TLE1: variants seen among roughly 807,000 people sequenced by gnomAD.
The protein encoded by TLE1 is transducin-like enhancer protein 1.
A neutral mutation model predicts 89.8 loss-of-function variants in TLE1; 21 were observed. The ratio of observed to expected loss-of-function variants is 0.23; its 90% confidence interval spans 0.17 to 0.34. The LOEUF is 0.34. Among genes scored for constraint, TLE1 ranks in the 10% least tolerant of loss-of-function variants. TLE1 has a pLI of 1.00. For missense variants in TLE1, 795 were observed against 1,031.2 expected (o/e 0.77, Z 3.14); for synonymous variants, 447 against 407.6 (o/e 1.10, Z -1.16).
chr9:81,599,144 AAT>A (rs1316751810), intron 14 of TLE1, among the ~76,000 whole-genome samples: 1 of 152,198 alleles, frequency 6.6e-6, no homozygotes, highest in East Asian at 1.9e-4. Context: ...TATGAAGCGC[AAT>A]ATAGTCAACC....
intron 4 of TLE1, among the ~76,000 whole-genome samples, chr9:81,675,698 G>GTTGTTTTTTTTT: frequency 7.7e-6 from 1 of 129,666 alleles, no homozygotes; most frequent in Non-Finnish European, 1.6e-5. Context: ...ACTCACACTA[G>GTTGTTTTTTTTT]TTTTTTTTTG....
chr9:81,633,287 CCG>C (rs1491287791), intron 8 of TLE1, 59 bp downstream of exon 8: 37 of 1,490,538 alleles, frequency 2.5e-5, no homozygotes, highest in Middle Eastern at 2.0e-4. Flanking sequence ...CAGAAGGGGA[CCG>C]TGTGTGTGTG....
chr9:81,623,512 C>T (rs1825537428), intron 8 of TLE1, among the ~76,000 whole-genome samples: 1 of 151,390 alleles, frequency 6.6e-6, no homozygotes, highest in Admixed American at 6.6e-5. Flanking sequence ...GGCACAGTGG[C>T]TCATGCCTGT....
chr9:81,669,202 C>T (rs1011236138), intron 4 of TLE1, among the ~76,000 whole-genome samples: 2 of 152,190 alleles, frequency 1.3e-5, no homozygotes, highest in African/African-American at 4.8e-5. Context: ...TTGGTCATTA[C>T]TGAATCATTT....
At chr9:81,671,125 G>A (rs1045358530) in intron 4 of TLE1, among the ~76,000 whole-genome samples, 6 of 152,186 alleles carry the variant, frequency 3.9e-5, no homozygotes, top group Admixed American at 1.3e-4. Context: ...CTGAGATCAC[G>A]CCACTGCACT....
intron 1 of TLE1, 105 bp downstream of exon 1, chr9:81,688,112 G>T: frequency 4.2e-6 from 6 of 1,444,878 alleles, no homozygotes; most frequent in Non-Finnish European, 5.7e-6. Flanking sequence ...ACCGCTGAGG[G>T]CGAGAAGGTC....
intron 15 of TLE1, among the ~76,000 whole-genome samples, chr9:81,592,341 G>A (rs1387954234): frequency 6.6e-6 from 1 of 152,228 alleles, no homozygotes; most frequent in Non-Finnish European, 1.5e-5. Context: ...CTGGGCGACA[G>A]AGCAAGACTC....
intron 4 of TLE1, among the ~76,000 whole-genome samples, chr9:81,666,352 CAT>C (rs1238016745): frequency 2.0e-5 from 3 of 152,178 alleles, no homozygotes; most frequent in East Asian, 1.9e-4. Flanking sequence ...AACCTCTTCA[CAT>C]ATCTTAGTCA....
chr9:81,607,686 A>G (rs1004936069), intron 14 of TLE1, among the ~76,000 whole-genome samples: 2 of 152,172 alleles, frequency 1.3e-5, no homozygotes, highest in Admixed American at 1.3e-4. Flanking sequence ...GCTGGCAACC[A>G]CAGATAGGAA....
At chr9:81,645,474 C>T (rs1014376260) in intron 6 of TLE1, among the ~76,000 whole-genome samples, 3 of 151,940 alleles carry the variant, frequency 2.0e-5, no homozygotes, top group African/African-American at 7.3e-5. Context: ...GGTCTGGTGG[C>T]TCACACTTAT....
intron 14 of TLE1, among the ~76,000 whole-genome samples, chr9:81,607,191 T>C (rs183860179): frequency 2.8e-3 from 419 of 152,312 alleles, no homozygotes; most frequent in Non-Finnish European, 4.6e-3. Context: ...CATTGGCCAC[T>C]GTGTCCACTG....
At chr9:81,600,662 T>G (rs1830796075) in intron 14 of TLE1, among the ~76,000 whole-genome samples, 1 of 150,590 alleles carries the variant, frequency 6.6e-6, no homozygotes, top group African/African-American at 2.4e-5. Flanking sequence ...CAAATATCAC[T>G]GTGATGGTCA....
chr9:81,610,678 G>A (rs530314226), intron 13 of TLE1, among the ~76,000 whole-genome samples: 21 of 152,226 alleles, frequency 1.4e-4, no homozygotes, highest in Admixed American at 3.3e-4. Context: ...CGTCCTGGGC[G>A]TTGCAGGATG....
At chr9:81,657,104 T>TC (rs1564036301) in intron 4 of TLE1, among the ~76,000 whole-genome samples, 1 of 152,220 alleles carries the variant, frequency 6.6e-6, no homozygotes, top group South Asian at 2.1e-4. Context: ...TAGTTAAACA[T>TC]CTTTTCATGT....
At chr9:81,604,043 G>C (rs1831308184) in intron 14 of TLE1, among the ~76,000 whole-genome samples, 1 of 152,168 alleles carries the variant, frequency 6.6e-6, no homozygotes, top group Non-Finnish European at 1.5e-5. Context: ...GATACAAGCT[G>C]TCTGCTCTGG....
chr9:81,623,125 G>A (rs905303643), intron 8 of TLE1, among the ~76,000 whole-genome samples: 6 of 152,112 alleles, frequency 3.9e-5, no homozygotes, highest in Non-Finnish European at 5.9e-5. Flanking sequence ...CTGCCTGGGG[G>A]ACCCTTACCT....
rs1834464335 is a variant in TLE1, at chr9:81,687,542, G to C, written c.25-108C>G. On this transcript the variant is annotated intron_variant, in intron 1 of 19. Transcript: ENST00000376499. ...GTGGGACATAAACATAAAGTTAGAA[G>C]TGGCTGAAAACGAGGCCCCAAACTC... The C allele has an allele frequency of 2.2e-5, 18 of 821,738 alleles. No homozygotes were observed. The East Asian group carries it at 4.9e-4, about 22-fold the overall frequency. 50.9% of individuals were successfully genotyped at this position (821,738 alleles called of 1,614,324 possible).
rs1177822400 is a variant in TLE1, at chr9:81,643,447, G to C, written c.372+8767C>G. On this transcript the variant is annotated intron_variant, in intron 6 of 19. Coordinates refer to ENST00000376499, the MANE Select transcript of TLE1 (RefSeq NM_005077.5). ...GATGGGGTTTCTCCATGTTAGTCAG[G>C]CTGGTCTGGAACTCCCAACCTCAGG... Among the ~76,000 whole-genome samples the C allele has an allele frequency of 2.6e-5, 4 of 152,034 alleles. No individual in the cohort carries two copies. In the East Asian group the frequency reaches 7.7e-4, roughly 29 times the overall value.
intron 4 of TLE1, among the ~76,000 whole-genome samples, chr9:81,654,486 G>A (rs1164346061): frequency 2.6e-5 from 4 of 152,006 alleles, no homozygotes; most frequent in Non-Finnish European, 5.9e-5. Flanking sequence ...GACTACAGGC[G>A]CCCGCCACCA....
Sources: gnomAD v4.1 joint callset for allele counts (sites outside exome capture counted in the v4.1 genomes callset) on GRCh38, gnomAD v4.1.1 for gene constraint, MANE v1.5 for transcripts, NCBI Gene and HGNC (gene_info 2026-07-23, HGNC 2026-07-21) for gene names.